DOP1B: variants seen among roughly 807,000 people sequenced by gnomAD.
DOP1B encodes protein DOP1B.
DOP1B carries 174 observed loss-of-function variants against 233.5 expected under a neutral mutation model. The ratio of observed to expected loss-of-function variants is 0.75; its 90% CI spans 0.66 to 0.85. The LOEUF (loss-of-function observed/expected upper bound fraction) is 0.85, where lower values mean the gene tolerates loss of function less well. Among genes scored for constraint, DOP1B ranks in the 40% least tolerant of loss-of-function variants. DOP1B has a pLI of 0.00. For missense variants in DOP1B, 2,652 were observed against 2,846.6 expected (o/e 0.93, Z 1.56); for synonymous variants, 1,190 against 1,185.6 (o/e 1.00, Z -0.08).
At chr21:36,250,048 C>T (rs1450520064) in intron 21 of DOP1B, among the ~76,000 whole-genome samples, 2 of 152,296 alleles carry the variant, frequency 1.3e-5, no homozygotes, top group African/African-American at 2.4e-5. Flanking sequence ...CAGGCTGTGG[C>T]TAGCATCCTG....
chr21:36,293,184 C>T (rs746067217), intron 36 of DOP1B, 136 bp from the exon 37 acceptor site: 108 of 912,360 alleles, frequency 1.2e-4, no homozygotes, highest in Middle Eastern at 6.9e-4. Context: ...CCAGCCTGGG[C>T]GACAGAGCAA....
chr21:36,243,231 C>T (rs1343516939), intron 18 of DOP1B, among the ~76,000 whole-genome samples: 2 of 152,134 alleles, frequency 1.3e-5, no homozygotes, highest in African/African-American at 2.4e-5. Flanking sequence ...CCGCCCACCT[C>T]AGCCTCCCAA....
intron 2 of DOP1B, among the ~76,000 whole-genome samples, chr21:36,176,712 A>G (rs996757505): frequency 6.6e-6 from 1 of 152,270 alleles, no homozygotes; most frequent in Admixed American, 6.5e-5. Flanking sequence ...GTACCTCTGC[A>G]GGAGAGGGGC....
intron 26 of DOP1B, among the ~76,000 whole-genome samples, chr21:36,268,067 G>T (rs751265703): frequency 1.3e-5 from 2 of 152,248 alleles, no homozygotes; most frequent in Admixed American, 1.3e-4. Context: ...AGAAAACAGC[G>T]TTGGAGAGCA....
intron 2 of DOP1B, among the ~76,000 whole-genome samples, chr21:36,193,236 G>A (rs890196796): frequency 1.3e-5 from 2 of 152,146 alleles, no homozygotes; most frequent in Non-Finnish European, 2.9e-5. Context: ...GTTTTACATG[G>A]CATGAGAGCC....
intron 19 of DOP1B, among the ~76,000 whole-genome samples, chr21:36,247,181 G>C (rs2066977148): frequency 3.3e-5 from 5 of 152,146 alleles, no homozygotes; most frequent in Admixed American, 3.3e-4. Flanking sequence ...GCCCAGCCCT[G>C]ATCCTTTATT....
At chr21:36,247,688 T>C (rs2066984423) in intron 20 of DOP1B, 60 bp downstream of exon 20, 1 of 1,264,556 alleles carries the variant, frequency 7.9e-7, no homozygotes, top group East Asian at 2.3e-5. Flanking sequence ...GTCTTTGGGC[T>C]ATGACTGTTT....
chr21:36,199,818 T>C (rs2066340604), intron 3 of DOP1B, among the ~76,000 whole-genome samples: 1 of 152,234 alleles, frequency 6.6e-6, no homozygotes, highest in African/African-American at 2.4e-5. Flanking sequence ...TGCCACATTT[T>C]CTTAATCCAG....
In DOP1B at chr21:36,169,205, A is replaced by G. The variant is rs1398229245; in HGVS notation, c.138+4334A>G. 3 of 1,035,222 alleles carry G rather than the reference A, an allele frequency of 2.9e-6. No individual in the cohort carries two copies. In the East Asian group the frequency reaches 7.2e-5, roughly 25 times the overall value. 64.1% of individuals were successfully genotyped at this position (1,035,222 alleles called of 1,614,324 possible). Reference sequence around the variant, plus strand: ...TTTCAGCATAACAGAGTTATTGGTCACTTCACCATAGTGGACAAAGCCACC... The same window carrying G: ...TTTCAGCATAACAGAGTTATTGGTCGCTTCACCATAGTGGACAAAGCCACC... On this transcript the variant is annotated intron_variant, in intron 2 of 36. Transcript: ENST00000691173.
chr21:36,292,245 T>C lies in DOP1B; in HGVS notation c.6645+12T>C. ...AATTAAAGTTTGGGGTAAGTGCTTT[T>C]CTTTTCTTTTCTTTTTTTTTTTTTT... is the stretch of plus-strand genomic sequence containing the variant. On this transcript the variant is annotated intron_variant, in intron 36 of 36. Transcript: ENST00000691173. 2 of 1,540,584 alleles carry C rather than the reference T, an allele frequency of 1.3e-6. No individual in the cohort carries two copies. The highest frequency in any genetic ancestry group is 1.7e-6 in the Non-Finnish European group (2 of 1,151,518).
At chr21:36,220,831 G>T (rs1176829522) in intron 10 of DOP1B, among the ~76,000 whole-genome samples, 1 of 151,860 alleles carries the variant, frequency 6.6e-6, no homozygotes, top group Non-Finnish European at 1.5e-5. Flanking sequence ...TCTCCAGCAT[G>T]ACAAGGTCTC....
chr21:36,277,832 G>T, intron 28 of DOP1B, 143 bp from the exon 29 acceptor site: 1 of 631,756 alleles, frequency 1.6e-6, no homozygotes. Flanking sequence ...AGTAGAGATG[G>T]GGTTTCACCA....
chr21:36,287,704 A>G (rs893863732), intron 32 of DOP1B, among the ~76,000 whole-genome samples: 1 of 144,896 alleles, frequency 6.9e-6, no homozygotes, highest in Non-Finnish European at 1.5e-5. Context: ...CTCCTGCCTC[A>G]GCCTCCCAAG....
At position 36,280,324 on chromosome 21, in the gene DOP1B, A is replaced by G; in HGVS notation, c.6009A>G (p.Lys2003=). ...SIIDHLLTHE[K]TMFKDLMNMQ... ...TTGACCATCTTTTGACTCATGAGAAAACAATGTTTAAGGATTTAATGAGTA... is the reference window on the plus strand; with the variant it reads ...TTGACCATCTTTTGACTCATGAGAAGACAATGTTTAAGGATTTAATGAGTA... Residue 2003 remains lysine, a synonymous_variant, in exon 31 of 37, where the codon AAA becomes AAG. Transcript: ENST00000691173. The G allele has an allele frequency of 6.2e-7, 1 of 1,610,072 alleles. No individual in the cohort carries two copies. The highest frequency in any genetic ancestry group is 8.5e-7 in the Non-Finnish European group (1 of 1,177,652).
chr21:36,202,045 G>T (rs1368393848), intron 4 of DOP1B, among the ~76,000 whole-genome samples: 1 of 152,052 alleles, frequency 6.6e-6, no homozygotes, highest in Non-Finnish European at 1.5e-5. Flanking sequence ...AAATTAGCCG[G>T]ACATGGTGGT....
chr21:36,168,830 G>C, intron 2 of DOP1B: 1 of 326,286 alleles, frequency 3.1e-6, no homozygotes, highest in Non-Finnish European at 5.8e-6. Flanking sequence ...ACTGTGCCCA[G>C]CCTATTTTCA....
rs191822127 is a variant in DOP1B at position 36,248,759 on chromosome 21, T to G, written c.4998+191T>G. ...TATACCTGAAATGGAGGAGTCTGAG[T>G]GGTTTCAGCCTGTTTTCTTCTTATT... On this transcript the variant is annotated intron_variant, in intron 21 of 36. Coordinates refer to ENST00000691173, the MANE Select transcript of DOP1B (RefSeq NM_001320714.2). Among the ~76,000 whole-genome samples, 3 of 152,316 alleles carry G rather than the reference T, an allele frequency of 2.0e-5. No individual in the cohort carries two copies. In the East Asian group the frequency reaches 5.8e-4, roughly 29 times the overall value.
At chr21:36,202,773 A>C (rs1299461364) in intron 4 of DOP1B, among the ~76,000 whole-genome samples, 1 of 152,202 alleles carries the variant, frequency 6.6e-6, no homozygotes, top group Admixed American at 6.6e-5. Flanking sequence ...TTTTAAGCCC[A>C]GCGCCAGGCC....
intron 14 of DOP1B, 41 bp from the exon 15 acceptor site, chr21:36,232,763 G>A: frequency 5.6e-6 from 9 of 1,609,498 alleles, no homozygotes; most frequent in Non-Finnish European, 7.6e-6. Context: ...ATTCTCACGT[G>A]GTTCTGCTTG....
Sources: gnomAD v4.1 joint callset for allele counts (sites outside exome capture counted in the v4.1 genomes callset) on GRCh38, gnomAD v4.1.1 for gene constraint, MANE v1.5 for transcripts, NCBI Gene and HGNC (gene_info 2026-07-23, HGNC 2026-07-21) for gene names.